KCNQ1OT1: variants seen among roughly 807,000 people sequenced by gnomAD.
KCNQ1OT1 encodes the protein KCNQ1 opposite strand/antisense transcript 1, also known as KCNQ1 antisense RNA 2 (non-protein coding).
At chr11:2,619,890 T>A in exon 1 of KCNQ1OT1, 1 of 398,522 alleles carries the variant, frequency 2.5e-6, no homozygotes, top group Non-Finnish European at 4.4e-6. Flanking sequence ...AGGGTATATG[T>A]ACAGGTCTAT....
At position 2,664,546 on chromosome 11, in the gene KCNQ1OT1, G is replaced by T; in HGVS notation, n.35449C>A. 2.5e-6 allele frequency: 1 copy of T among 398,758 alleles called. No homozygotes were observed. The highest frequency in any genetic ancestry group is 1.3e-4 in the South Asian group (1 of 7,864). 24.7% of individuals were successfully genotyped at this position (398,758 alleles called of 1,614,324 possible). ...GGGCCCAAACCGCCTGGCGGCAGGG[G>T]TGTGGGGGCCGTGCAGGTCTTCTGC... is the stretch of plus-strand genomic sequence containing the variant. On this transcript the variant is annotated non_coding_transcript_exon_variant, in exon 1 of 1. Coordinates refer to ENST00000597346, the Ensembl canonical transcript of KCNQ1OT1. This position sits in a 1 kb window ranked among gnomAD's most constrained non-coding sequence, Gnocchi z 5.1.
chr11:2,673,766 G>A lies in KCNQ1OT1; in HGVS notation n.26229C>T. 1 of 398,544 alleles carries A rather than the reference G, an allele frequency of 2.5e-6. No homozygotes were observed. Among genetic ancestry groups the A allele is most frequent in the Non-Finnish European group, 4.4e-6 (1 of 226,120 alleles). The allele number at this position is 398,544 out of a possible 1,614,324, so 24.7% of individuals were successfully genotyped here. On this transcript the variant is annotated non_coding_transcript_exon_variant, in exon 1 of 1. Coordinates refer to ENST00000597346, the Ensembl canonical transcript of KCNQ1OT1. This position sits in a 1 kb window ranked among gnomAD's most constrained non-coding sequence, Gnocchi z 4.5. ...GAAGGGGTACAGTCCCTTCTTGCTG[G>A]TATGTTGGGAAGCTCTGGTGCAAAG...
Position 2,695,373 on chromosome 11 carries a change from G to A in KCNQ1OT1, n.4622C>T. 2.5e-6 allele frequency: 1 copy of A among 398,566 alleles called. No individual in the cohort carries two copies. The highest frequency in any genetic ancestry group is 4.4e-6 in the Non-Finnish European group (1 of 226,070). The allele number at this position is 398,566 out of a possible 1,614,324, so 24.7% of individuals were successfully genotyped here. A position where few individuals can be genotyped will look rare whatever the true frequency, so the allele number is the denominator to read the frequency against. On this transcript the variant is annotated non_coding_transcript_exon_variant, in exon 1 of 1. Transcript: ENST00000597346. The surrounding 1 kb of genome is among the most constrained non-coding windows in gnomAD (Gnocchi z 5.2). Reference sequence around the variant, plus strand: ...TCACGAGCACTCCCTAGTACTGCGTGTCTGGGTGGTGTGTAATTTTAATTT... The same window carrying A: ...TCACGAGCACTCCCTAGTACTGCGTATCTGGGTGGTGTGTAATTTTAATTT...
At position 2,663,722 on chromosome 11, in the gene KCNQ1OT1, C is replaced by T. The variant is rs1011151975; in HGVS notation, n.36273G>A. ...ACCAACTCTTGGGTCTTGCAAGGCC[C>T]CTGCAGGTGAAGGTGGTGAGAGACC... is the stretch of plus-strand genomic sequence containing the variant. On this transcript the variant is annotated non_coding_transcript_exon_variant, in exon 1 of 1. Coordinates refer to ENST00000597346, the Ensembl canonical transcript of KCNQ1OT1. This position sits in a 1 kb window ranked among gnomAD's most constrained non-coding sequence, Gnocchi z 5.2. 2 of 398,698 alleles carry T rather than the reference C, an allele frequency of 5.0e-6. No homozygotes were observed. The highest frequency in any genetic ancestry group is 8.8e-6 in the Non-Finnish European group (2 of 226,112). The allele number at this position is 398,698 out of a possible 1,614,324, so 24.7% of individuals were successfully genotyped here. A position where few individuals can be genotyped will look rare whatever the true frequency, so the allele number is the denominator to read the frequency against.
Position 2,642,909 on chromosome 11 carries a change from C to A in KCNQ1OT1, n.57086G>T. On this transcript the variant is annotated non_coding_transcript_exon_variant, in exon 1 of 1. Transcript: ENST00000597346. The surrounding 1 kb of genome is among the most constrained non-coding windows in gnomAD (Gnocchi z 4.3). ...AAATTTTTTATTTCTGCCTTAATTT[C>A]TTCTTTGACCCATTGGTCATTCAGG... 1 of 397,846 alleles carries A rather than the reference C, an allele frequency of 2.5e-6. No homozygotes were observed. The highest frequency in any genetic ancestry group is 4.4e-6 in the Non-Finnish European group (1 of 225,668). The allele number at this position is 397,846 out of a possible 1,614,324, so 24.6% of individuals were successfully genotyped here.
rs1849659100 is a variant in KCNQ1OT1, at chr11:2,645,950, A to G, written n.54045T>C. ...GCCTCTTGTTAGTCTCAAGGCATCTATGGGTCAGGGGGTTCTCTGACTAGG... is the reference window on the plus strand; with the variant it reads ...GCCTCTTGTTAGTCTCAAGGCATCTGTGGGTCAGGGGGTTCTCTGACTAGG... On this transcript the variant is annotated non_coding_transcript_exon_variant, in exon 1 of 1. Coordinates refer to ENST00000597346, the Ensembl canonical transcript of KCNQ1OT1. This position sits in a 1 kb window ranked among gnomAD's most constrained non-coding sequence, Gnocchi z 5.8. The G allele has an allele frequency of 7.5e-6, 3 of 398,532 alleles. No individual in the cohort carries two copies. Among genetic ancestry groups the G allele is most frequent in the Non-Finnish European group, 1.3e-5 (3 of 226,070 alleles). The allele number at this position is 398,532 out of a possible 1,614,324, so 24.7% of individuals were successfully genotyped here.
exon 1 of KCNQ1OT1, chr11:2,633,131 C>G (rs947365587): frequency 5.8e-5 from 23 of 398,384 alleles, no homozygotes; most frequent in Non-Finnish European, 4.4e-6. Context: ...AATAATGTCT[C>G]ACTGTGGCTT....
chr11:2,610,865 C>A (rs1848970151), exon 1 of KCNQ1OT1: 5 of 398,062 alleles, frequency 1.3e-5, no homozygotes, highest in Non-Finnish European at 2.2e-5. Context: ...AAGCAGAGTG[C>A]CACATAGCCT....
chr11:2,631,856 T>C (rs1304770557), exon 1 of KCNQ1OT1: 5 of 398,338 alleles, frequency 1.3e-5, no homozygotes, highest in Admixed American at 4.4e-5. Context: ...GTTAATAATA[T>C]CCCTTTCAGA....
At chr11:2,684,112 G>C (rs532226258) in exon 1 of KCNQ1OT1, 1 of 398,576 alleles carries the variant, frequency 2.5e-6, no homozygotes, top group South Asian at 1.3e-4. Context: ...CTTTCACATA[G>C]ATTCTTAAGG....
exon 1 of KCNQ1OT1, chr11:2,635,257 A>C (rs1003447220): frequency 3.9e-5 from 6 of 152,180 alleles, no homozygotes; most frequent in African/African-American, 1.4e-4. Flanking sequence ...GTCCTTGCCC[A>C]TGCCTATGTC....
rs1850518689 is a variant in KCNQ1OT1, at chr11:2,687,924, G to A, written n.12071C>T. 2 of 398,802 alleles carry A rather than the reference G, an allele frequency of 5.0e-6. No homozygotes were observed. The highest frequency in any genetic ancestry group is 6.3e-4 in the Middle Eastern group (1 of 1,588). 24.7% of individuals were successfully genotyped at this position (398,802 alleles called of 1,614,324 possible). A position where few individuals can be genotyped will look rare whatever the true frequency, so the allele number is the denominator to read the frequency against. On this transcript the variant is annotated non_coding_transcript_exon_variant, in exon 1 of 1. Transcript: ENST00000597346. The surrounding 1 kb of genome is among the most constrained non-coding windows in gnomAD (Gnocchi z 5.0). ...GATGGAAAATCCCCAGCAGTTGTGA[G>A]GCTGCACTTCTCCCACCCGCTGTGG...
rs570877240 is a variant in KCNQ1OT1 at position 2,624,220 on chromosome 11, T to C, written n.75775A>G. On this transcript the variant is annotated non_coding_transcript_exon_variant, in exon 1 of 1. Coordinates refer to ENST00000597346, the Ensembl canonical transcript of KCNQ1OT1. The surrounding 1 kb of genome is among the most constrained non-coding windows in gnomAD (Gnocchi z 4.9). ...TTAGTTGCCATCTGTATATCTTCAT[T>C]GGTGAGATGTCTGTTAAGGTCTTCA... The C allele has an allele frequency of 8.5e-5, 34 of 398,630 alleles. No individual in the cohort carries two copies. Among genetic ancestry groups the C allele is most frequent in the African/African-American group, 6.8e-4 (33 of 48,756 alleles). The allele number at this position is 398,630 out of a possible 1,614,324, so 24.7% of individuals were successfully genotyped here. A position where few individuals can be genotyped will look rare whatever the true frequency, so the allele number is the denominator to read the frequency against.
Position 2,668,606 on chromosome 11 carries a change from C to CTGTTTTATGTTT in KCNQ1OT1, n.31388_31389insAAACATAAAACA. ...AGATACATCATTCTGTATAAATTGC[C>CTGTTTTATGTTT]TACATCTTCTGCCTGTTTTATGTTT... On this transcript the variant is annotated non_coding_transcript_exon_variant, in exon 1 of 1. Coordinates refer to ENST00000597346, the Ensembl canonical transcript of KCNQ1OT1. This position sits in a 1 kb window ranked among gnomAD's most constrained non-coding sequence, Gnocchi z 4.3. 1 of 398,578 alleles carries CTGTTTTATGTTT rather than the reference C, an allele frequency of 2.5e-6. No individual in the cohort carries two copies. Among genetic ancestry groups the CTGTTTTATGTTT allele is most frequent in the Non-Finnish European group, 4.4e-6 (1 of 226,074 alleles). The allele number at this position is 398,578 out of a possible 1,614,324, so 24.7% of individuals were successfully genotyped here. A position where few individuals can be genotyped will look rare whatever the true frequency, so the allele number is the denominator to read the frequency against.
At chr11:2,685,822 G>T in exon 1 of KCNQ1OT1, 1 of 398,692 alleles carries the variant, frequency 2.5e-6, no homozygotes, top group South Asian at 1.3e-4. Context: ...ATTCCTACTA[G>T]AACGAGGCTG....
Position 2,620,538 on chromosome 11 carries a change from G to T in KCNQ1OT1, n.79457C>A. On this transcript the variant is annotated non_coding_transcript_exon_variant, in exon 1 of 1. Coordinates refer to ENST00000597346, the Ensembl canonical transcript of KCNQ1OT1. The surrounding 1 kb of genome is among the most constrained non-coding windows in gnomAD (Gnocchi z 4.5). ...GCCGAATTCATTCATTTTTATGGCT[G>T]CATAGTATTCCATGGTGTACATGTA... 2.5e-6 allele frequency: 1 copy of T among 393,948 alleles called. No individual in the cohort carries two copies. Among genetic ancestry groups the T allele is most frequent in the Non-Finnish European group, 4.5e-6 (1 of 223,698 alleles). The allele number at this position is 393,948 out of a possible 1,614,324, so 24.4% of individuals were successfully genotyped here. A position where few individuals can be genotyped will look rare whatever the true frequency, so the allele number is the denominator to read the frequency against.
Position 2,658,151 on chromosome 11 carries a change from A to G in KCNQ1OT1, n.41844T>C. The G allele has an allele frequency of 2.5e-6, 1 of 398,636 alleles. No individual in the cohort carries two copies. The highest frequency in any genetic ancestry group is 4.4e-6 in the Non-Finnish European group (1 of 226,050). The allele number at this position is 398,636 out of a possible 1,614,324, so 24.7% of individuals were successfully genotyped here. ...ATATGTTAAAACTACCACAGCAATTAAAATACATTTCAAGGAAGAAACTGT... is the reference window on the plus strand; with the variant it reads ...ATATGTTAAAACTACCACAGCAATTGAAATACATTTCAAGGAAGAAACTGT... On this transcript the variant is annotated non_coding_transcript_exon_variant, in exon 1 of 1. Transcript: ENST00000597346. The surrounding 1 kb of genome is among the most constrained non-coding windows in gnomAD (Gnocchi z 4.9).
rs554858773 is a variant in KCNQ1OT1 at position 2,617,056 on chromosome 11, A to C, written n.82939T>G. 2.5e-5 allele frequency: 10 copies of C among 398,246 alleles called. No individual in the cohort carries two copies. In the South Asian group the frequency reaches 1.1e-3, roughly 46 times the overall value. 24.7% of individuals were successfully genotyped at this position (398,246 alleles called of 1,614,324 possible). ...AGTGATGCAAATTAATATGTCCATC[A>C]TCTCACAGTTATTCTTTTGTGTGTA... On this transcript the variant is annotated non_coding_transcript_exon_variant, in exon 1 of 1. Coordinates refer to ENST00000597346, the Ensembl canonical transcript of KCNQ1OT1. The surrounding 1 kb of genome is among the most constrained non-coding windows in gnomAD (Gnocchi z 4.6).
chr11:2,620,218 T>TTTTA lies in KCNQ1OT1; in HGVS notation n.79776_79777insTAAA, dbSNP rs1849145239. ...ATTCATGTATATATATATATTTTTT[T>TTTTA]TTTTTATTTTTTTTTTAGACGGAGT... On this transcript the variant is annotated non_coding_transcript_exon_variant, in exon 1 of 1. Coordinates refer to ENST00000597346, the Ensembl canonical transcript of KCNQ1OT1. The surrounding 1 kb of genome is among the most constrained non-coding windows in gnomAD (Gnocchi z 4.5). The TTTTA allele has an allele frequency of 3.5e-6, 1 of 282,644 alleles. No homozygotes were observed. Among genetic ancestry groups the TTTTA allele is most frequent in the African/African-American group, 2.2e-5 (1 of 44,750 alleles). 17.5% of individuals were successfully genotyped at this position (282,644 alleles called of 1,614,324 possible). A position where few individuals can be genotyped will look rare whatever the true frequency, so the allele number is the denominator to read the frequency against.
Sources: allele counts gnomAD v4.1 joint callset, GRCh38; gene constraint gnomAD v4.1.1; non-coding constraint Gnocchi (gnomAD v3.1); transcripts MANE v1.5; gene names NCBI Gene and HGNC (gene_info 2026-07-23, HGNC 2026-07-21).